Variants in NPAS3 observed in about 807,000 individuals in gnomAD.
NPAS3 encodes neuronal PAS domain-containing protein 3.
Under a neutral mutation model 73.1 loss-of-function variants are expected in NPAS3, and 14 were observed. The observed-to-expected ratio is 0.19, with a 90% CI of 0.13 to 0.30. The LOEUF is 0.30. Among genes scored for constraint, NPAS3 ranks in the 10% least tolerant of loss-of-function variants. The pLI, the probability that NPAS3 is intolerant of heterozygous loss-of-function variation, is 1.00. For synonymous variants in NPAS3, 620 were observed against 541.5 expected (o/e 1.14, Z -2.01); for missense variants, 1,096 against 1,250.0 (o/e 0.88, Z 1.86).
At chr14:32,939,225 C>G (rs1014376166), upstream of NPAS3, 2 of 512,350 alleles carry the variant, frequency 3.9e-6, no homozygotes, top group African/African-American at 2.1e-5. Context: ...TCCCGCCACC[C>G]CACGCACACG....
chr14:33,318,487 C>T (rs7147150), intron 3 of NPAS3, among the ~76,000 whole-genome samples: 20,492 of 151,998 alleles, frequency 0.13, 1,540 homozygotes, highest in African/African-American at 0.19. Flanking sequence ...TGGTAAATTT[C>T]ATTTATACCT....
At chr14:33,342,789 C>T (rs976293837) in intron 3 of NPAS3, among the ~76,000 whole-genome samples, 6 of 151,950 alleles carry the variant, frequency 3.9e-5, no homozygotes, top group African/African-American at 4.8e-5. Context: ...TCTTTGTATC[C>T]TGCTGGGGTG....
intron 4 of NPAS3, among the ~76,000 whole-genome samples, chr14:33,542,371 CCA>C (rs1181891647): frequency 2.0e-5 from 3 of 152,164 alleles, no homozygotes; most frequent in South Asian, 2.1e-4. Context: ...CTTTCCCACC[CCA>C]GTTATCCACA....
intron 2 of NPAS3, among the ~76,000 whole-genome samples, chr14:33,163,620 G>GTT (rs1555347674): frequency 1.0e-5 from 1 of 96,106 alleles, no homozygotes; most frequent in Non-Finnish European, 2.3e-5. Context: ...GAAGTGTTTT[G>GTT]TTGTTTTTTT....
chr14:33,155,359 A>T (rs1194954740), intron 2 of NPAS3, among the ~76,000 whole-genome samples: 1 of 152,038 alleles, frequency 6.6e-6, no homozygotes, highest in African/African-American at 2.4e-5. Context: ...GCATTATTTT[A>T]GTTTTCTCCT....
At chr14:33,643,400 G>A (rs1206256939) in intron 5 of NPAS3, among the ~76,000 whole-genome samples, 36 of 75,948 alleles carry the variant, frequency 4.7e-4, no homozygotes, top group South Asian at 1.0e-3. Context: ...AAAAAAAAAC[G>A]AGAGAGATGG....
intron 2 of NPAS3, among the ~76,000 whole-genome samples, chr14:33,167,938 G>T (rs1277050759): frequency 6.6e-6 from 1 of 152,222 alleles, no homozygotes; most frequent in Non-Finnish European, 1.5e-5. Context: ...CCTGGGAGAT[G>T]CGATCGCCTA....
At chr14:33,686,939 G>C (rs1193332961) in intron 6 of NPAS3, among the ~76,000 whole-genome samples, 1 of 152,150 alleles carries the variant, frequency 6.6e-6, no homozygotes, top group African/African-American at 2.4e-5. Flanking sequence ...TACAGGATGG[G>C]TTGAACAGAG....
intron 5 of NPAS3, among the ~76,000 whole-genome samples, chr14:33,664,054 T>C (rs1268680306): frequency 6.6e-6 from 1 of 151,940 alleles, no homozygotes; most frequent in East Asian, 1.9e-4. Context: ...AGAGCCTTCA[T>C]AGCCAAGACA....
intron 5 of NPAS3, among the ~76,000 whole-genome samples, chr14:33,640,215 A>T (rs561165221): frequency 6.6e-6 from 1 of 152,096 alleles, no homozygotes; most frequent in Non-Finnish European, 1.5e-5. Flanking sequence ...AATTATCTGT[A>T]TAATATTTAC....
intron 1 of NPAS3, among the ~76,000 whole-genome samples, chr14:33,036,323 G>A (rs1414594175): frequency 6.6e-6 from 1 of 152,130 alleles, no homozygotes; most frequent in Non-Finnish European, 1.5e-5. Flanking sequence ...AGCTTGATAA[G>A]AACAAGGTGC....
intron 2 of NPAS3, among the ~76,000 whole-genome samples, chr14:33,080,009 T>A (rs2041814848): frequency 6.6e-6 from 1 of 152,194 alleles, no homozygotes; most frequent in South Asian, 2.1e-4. Context: ...TAAAAATATG[T>A]TTCTCACCCA....
intron 5 of NPAS3, among the ~76,000 whole-genome samples, chr14:33,669,448 G>C (rs1179861822): frequency 6.6e-6 from 1 of 152,080 alleles, no homozygotes; most frequent in Admixed American, 6.5e-5. Flanking sequence ...GCATTCTCTA[G>C]GTTCTTCTTT....
rs966279260 is a variant in NPAS3 at position 33,382,598 on chromosome 14, A to G, written c.468+15330A>G. ...CAAGCATTTATAGCTTGTTATATAT[A>G]AGGCTCATCAAATGCAGCTTTGGGG... On this transcript the variant is annotated intron_variant, in intron 4 of 11. Coordinates refer to ENST00000356141, the Ensembl canonical transcript of NPAS3. Among the ~76,000 whole-genome samples the G allele has an allele frequency of 2.6e-5, 4 of 152,268 alleles. No individual in the cohort carries two copies. In the East Asian group the frequency reaches 5.8e-4, roughly 22 times the overall value.
chr14:33,051,764 A>AT (rs886312230), intron 1 of NPAS3, among the ~76,000 whole-genome samples: 10 of 152,068 alleles, frequency 6.6e-5, no homozygotes, highest in Admixed American at 4.6e-4. Flanking sequence ...AAAGAATTAC[A>AT]TTTTTTTGTG....
At chr14:33,329,235 C>T (rs2043865897) in intron 3 of NPAS3, among the ~76,000 whole-genome samples, 1 of 152,310 alleles carries the variant, frequency 6.6e-6, no homozygotes, top group Non-Finnish European at 1.5e-5. Flanking sequence ...CCCCACCCCA[C>T]CTGCCTCTCC....
intron 4 of NPAS3, among the ~76,000 whole-genome samples, chr14:33,537,048 C>T (rs973588684): frequency 1.0e-4 from 15 of 149,652 alleles, no homozygotes; most frequent in South Asian, 2.1e-4. Context: ...AGCTATGTTA[C>T]GAAAAAACAA....
Position 33,166,483 on chromosome 14 carries a change from G to T in NPAS3, c.141-48699G>T, listed in dbSNP as rs2045155579. Among the ~76,000 whole-genome samples, 3 of 152,234 alleles carry T rather than the reference G, an allele frequency of 2.0e-5. No homozygotes were observed. In the South Asian group the frequency reaches 6.2e-4, roughly 32 times the overall value. ...GCACATCTGTCTCCCTCAGTAAGAG[G>T]TAGACTCTTGGAGGGAGGGCAGGCA... is the stretch of plus-strand genomic sequence containing the variant. On this transcript the variant is annotated intron_variant, in intron 2 of 11. Coordinates refer to ENST00000356141, the Ensembl canonical transcript of NPAS3.
chr14:33,600,882 A>G (rs1363973161), intron 5 of NPAS3, among the ~76,000 whole-genome samples: 1 of 152,200 alleles, frequency 6.6e-6, no homozygotes, highest in African/African-American at 2.4e-5. Flanking sequence ...CCTGTCTGGG[A>G]AAAGCTTCAT....
Sources: allele counts gnomAD v4.1 joint callset (sites outside exome capture counted in the v4.1 genomes callset), GRCh38; gene constraint gnomAD v4.1.1; transcripts MANE v1.5; gene names NCBI Gene and HGNC (gene_info 2026-07-23, HGNC 2026-07-21).